The following SNTG2 variants were observed in gnomAD, a reference collection of about 807,000 sequenced individuals.
SNTG2 encodes gamma-2-syntrophin.
SNTG2 carries 74 observed loss-of-function variants against 70.9 expected under a neutral mutation model. That is an observed-to-expected ratio of 1.04 (90% CI 0.86 to 1.27). SNTG2 has a LOEUF of 1.27. SNTG2 is among the 50% of genes most tolerant of loss of function. The pLI, the probability that SNTG2 is intolerant of heterozygous loss-of-function variation, is 0.00. For missense variants in SNTG2, 717 were observed against 690.7 expected, an observed-to-expected ratio of 1.04 and a Z score of -0.43; for synonymous variants, 278 against 273.8, an observed-to-expected ratio of 1.02 and a Z score of -0.15.
chr2:1,303,795 G>A (rs1308737614), intron 14 of SNTG2, among the ~76,000 whole-genome samples: 2 of 152,190 alleles, frequency 1.3e-5, no homozygotes, highest in African/African-American at 4.8e-5. Flanking sequence ...ACTACAGACT[G>A]TGTAAACTTC....
chr2:1,246,408 C>T lies in SNTG2; in HGVS notation c.889-919C>T, dbSNP rs913400746. On this transcript the variant is annotated intron_variant, in intron 11 of 16. Coordinates refer to ENST00000308624, the MANE Select transcript of SNTG2 (RefSeq NM_018968.4). ...GATGCGCCCATCCTGGAGCTGGCGC[C>T]GGCTGTGACGGGACTTACCTGGGCG... 8.5e-5 allele frequency among the ~76,000 whole-genome samples: 13 copies of T among 152,168 alleles called. 1 individual carries two copies. The highest frequency in any genetic ancestry group is 1.8e-4 in the Non-Finnish European group (12 of 68,040).
At chr2:1,177,919 A>G (rs1671591337) in intron 8 of SNTG2, among the ~76,000 whole-genome samples, 1 of 152,214 alleles carries the variant, frequency 6.6e-6, no homozygotes, top group Admixed American at 6.5e-5. Context: ...AATATGAGAT[A>G]ATTTTTATAT....
chr2:972,971 C>T (rs1273081129), intron 1 of SNTG2, among the ~76,000 whole-genome samples: 1 of 152,206 alleles, frequency 6.6e-6, no homozygotes, highest in African/African-American at 2.4e-5. Flanking sequence ...TACTATGTGA[C>T]AGTATACCAT....
chr2:1,177,172 C>G (rs1671537527), intron 8 of SNTG2, among the ~76,000 whole-genome samples: 1 of 152,170 alleles, frequency 6.6e-6, no homozygotes. Flanking sequence ...AGACTATGTC[C>G]TTTGCAGGGA....
intron 1 of SNTG2, among the ~76,000 whole-genome samples, chr2:1,014,843 T>G (rs1659835776): frequency 6.6e-6 from 1 of 152,110 alleles, no homozygotes; most frequent in Non-Finnish European, 1.5e-5. Flanking sequence ...CCTCGCTGGC[T>G]GCATCAGCAT....
chr2:1,121,044 A>G (rs74258290), intron 4 of SNTG2, among the ~76,000 whole-genome samples: 18,597 of 151,792 alleles, frequency 0.12, 1,323 homozygotes, highest in Admixed American at 0.16. Context: ...TTGCAATTCT[A>G]TCTAGTATCA....
At chr2:1,217,885 T>C (rs1265741743) in intron 9 of SNTG2, among the ~76,000 whole-genome samples, 1 of 152,120 alleles carries the variant, frequency 6.6e-6, no homozygotes, top group African/African-American at 2.4e-5. Context: ...AAGACTGTTT[T>C]ATTATCTCAC....
intron 14 of SNTG2, among the ~76,000 whole-genome samples, chr2:1,272,437 C>A (rs1679072278): frequency 9.7e-6 from 1 of 103,366 alleles, no homozygotes; most frequent in African/African-American, 4.8e-5. Context: ...AGGCCCAGTT[C>A]CTAACAGGCC....
At chr2:1,277,809 G>A (rs1033780712) in intron 14 of SNTG2, among the ~76,000 whole-genome samples, 8 of 152,200 alleles carry the variant, frequency 5.3e-5, no homozygotes, top group Non-Finnish European at 1.0e-4. Context: ...GAGGAGGGAA[G>A]ACAGCCCAGT....
At chr2:1,243,523 C>T (rs1049999393) in intron 11 of SNTG2, among the ~76,000 whole-genome samples, 2 of 152,214 alleles carry the variant, frequency 1.3e-5, no homozygotes, top group African/African-American at 4.8e-5. Flanking sequence ...TCTATTTTAG[C>T]CAAGATTCAA....
intron 8 of SNTG2, among the ~76,000 whole-genome samples, chr2:1,206,722 C>A (rs1011040292): frequency 6.6e-6 from 1 of 152,026 alleles, no homozygotes; most frequent in East Asian, 1.9e-4. Flanking sequence ...CTGCATGCAG[C>A]CTGATTTTAT....
At chr2:1,031,250 G>C (rs80104701) in intron 1 of SNTG2, among the ~76,000 whole-genome samples, 5,660 of 151,968 alleles carry the variant, frequency 0.037, 123 homozygotes, top group South Asian at 0.061. Context: ...GGGTTGAGTT[G>C]TTGAGTTACA....
intron 6 of SNTG2, chr2:1,161,506 GTC>G (rs1018689925): frequency 1.6e-4 from 24 of 152,254 alleles, no homozygotes; most frequent in African/African-American, 5.5e-4. Flanking sequence ...GTGGGCCAGG[GTC>G]TCTCCCAGTG....
At chr2:1,165,034 G>A (rs1435340946) in intron 6 of SNTG2, among the ~76,000 whole-genome samples, 1 of 152,218 alleles carries the variant, frequency 6.6e-6, no homozygotes, top group African/African-American at 2.4e-5. Context: ...TATGTGAGGT[G>A]ACTGAAACAG....
intron 1 of SNTG2, among the ~76,000 whole-genome samples, chr2:986,645 T>G (rs1376290919): frequency 2.6e-5 from 4 of 152,208 alleles, no homozygotes; most frequent in Non-Finnish European, 4.4e-5. Flanking sequence ...CCTTAAAGAC[T>G]ATCGGAGATT....
intron 11 of SNTG2, among the ~76,000 whole-genome samples, chr2:1,244,620 T>C (rs533150518): frequency 2.5e-4 from 34 of 136,844 alleles, no homozygotes; most frequent in African/African-American, 3.6e-4. Flanking sequence ...GGCGTGAACC[T>C]GGGAGGCAGA....
chr2:1,111,618 T>C (rs534488083), intron 4 of SNTG2, among the ~76,000 whole-genome samples: 1 of 152,364 alleles, frequency 6.6e-6, no homozygotes, highest in Admixed American at 6.5e-5. Context: ...AAATACTTTT[T>C]AATTTAAATA....
chr2:1,163,065 G>T (rs1207475837), intron 6 of SNTG2, among the ~76,000 whole-genome samples: 1 of 152,220 alleles, frequency 6.6e-6, no homozygotes, highest in Non-Finnish European at 1.5e-5. Flanking sequence ...ATCACAGGAA[G>T]TGGGCATGTG....
At chr2:1,267,715 G>A (rs1205130489) in intron 14 of SNTG2, 144 bp downstream of exon 14, 1 of 794,056 alleles carries the variant, frequency 1.3e-6, no homozygotes, top group African/African-American at 1.7e-5. Context: ...GTGTGGAAAT[G>A]ATCGTTCGCA....
Sources: allele counts gnomAD v4.1 joint callset (sites outside exome capture counted in the v4.1 genomes callset), GRCh38; gene constraint gnomAD v4.1.1; transcripts MANE v1.5; gene names NCBI Gene and HGNC (gene_info 2026-07-23, HGNC 2026-07-21).